ARG2: variants seen among roughly 807,000 people sequenced by gnomAD.
ARG2 encodes the protein arginase-2, mitochondrial.
A neutral mutation model predicts 39.4 loss-of-function variants in ARG2; 21 were observed. The observed-to-expected ratio is 0.53, with a 90% CI of 0.38 to 0.77. The LOEUF (loss-of-function observed/expected upper bound fraction) is 0.77, where lower values mean the gene tolerates loss of function less well. ARG2 is among the 30% of genes least tolerant of loss of function. The pLI is 0.00. For synonymous variants in ARG2, 150 were observed against 156.7 expected (o/e 0.96, Z 0.32); for missense variants, 378 against 426.2 (o/e 0.89, Z 1.00).
rs199828283 is a variant in ARG2 at position 67,646,692 on chromosome 14, G to T, written c.571G>T (p.Ala191Ser). ...FSWIKPCISS[A>S]SIVYIGLRDV... ...CTGGATCAAACCTTGTATCTCTTCT[G>T]CAAGTATTGTGTATATTGGTCTGAG... Residue 191 changes from alanine to serine, a missense_variant, in exon 5 of 8, where the codon GCA (alanine) becomes TCA (serine). Ala to Ser is a moderately conservative substitution (Grantham distance 99, BLOSUM62 1). Coordinates refer to ENST00000261783, the MANE Select transcript of ARG2 (RefSeq NM_001172.4). 7.2e-5 allele frequency: 116 copies of T among 1,613,716 alleles called. No homozygotes were observed. Among genetic ancestry groups the T allele is most frequent in the Non-Finnish European group, 5.9e-6 (7 of 1,179,802 alleles).
intron 4 of ARG2, 26 bp from the exon 5 acceptor site, chr14:67,646,618 A>ATCCTG (rs759463851): frequency 5.2e-6 from 8 of 1,538,620 alleles, no homozygotes; most frequent in Non-Finnish European, 7.2e-6. Context: ...TTCTTGATTA[A>ATCCTG]TCCTGTCCAT....
chr14:67,643,838 TTCC>T (rs1174880899), intron 3 of ARG2, among the ~76,000 whole-genome samples: 1 of 125,132 alleles, frequency 8.0e-6, no homozygotes, highest in Non-Finnish European at 1.6e-5. Context: ...AGCAGGTAGA[TTCC>T]TCCTTGGGAG....
chr14:67,641,861 T>C (rs2037035043), intron 2 of ARG2, among the ~76,000 whole-genome samples: 1 of 152,228 alleles, frequency 6.6e-6, no homozygotes, highest in Non-Finnish European at 1.5e-5. Context: ...AAATTGTTGG[T>C]TCTTAATTTT....
At chr14:67,627,296 A>G (rs2036877163) in intron 2 of ARG2, among the ~76,000 whole-genome samples, 1 of 135,572 alleles carries the variant, frequency 7.4e-6, no homozygotes, top group African/African-American at 3.1e-5. Flanking sequence ...AAACTTCTGA[A>G]TTGCTAATAT....
chr14:67,648,367 G>A lies in ARG2; in HGVS notation c.859+184G>A. On this transcript the variant is annotated intron_variant, in intron 7 of 7. Coordinates refer to ENST00000261783, the MANE Select transcript of ARG2 (RefSeq NM_001172.4). ...GATATAGTCCTTTAGAGTCATGCTT[G>A]GACATGGCTCTTACCAAATTACACT... The A allele has an allele frequency of 5.6e-6, 3 of 538,178 alleles. No individual in the cohort carries two copies. In the South Asian group the frequency reaches 1.4e-4, roughly 24 times the overall value. The allele number at this position is 538,178 out of a possible 1,614,324, so 33.3% of individuals were successfully genotyped here. A position where few individuals can be genotyped will look rare whatever the true frequency, so the allele number is the denominator to read the frequency against.
intron 2 of ARG2, among the ~76,000 whole-genome samples, chr14:67,625,729 GA>G (rs1237747306): frequency 4.6e-5 from 5 of 109,196 alleles, no homozygotes; most frequent in African/African-American, 2.0e-4. Context: ...TCAATGTAAT[GA>G]AAAACCAAAA....
intron 3 of ARG2, among the ~76,000 whole-genome samples, chr14:67,644,997 TA>T (rs558540535): frequency 0.035 from 4,633 of 132,368 alleles, 211 homozygotes; most frequent in African/African-American, 0.11. Flanking sequence ...GACTCCGTCT[TA>T]AAAAAAAAAA....
At chr14:67,620,668 A>G (rs567894204) in intron 1 of ARG2, among the ~76,000 whole-genome samples, 1 of 152,088 alleles carries the variant, frequency 6.6e-6, no homozygotes, top group African/African-American at 2.4e-5. Flanking sequence ...GGCCCGAGCC[A>G]GCCCCACACA....
chr14:67,648,293 T>C (rs1057471699), intron 7 of ARG2, 110 bp downstream of exon 7: 1 of 1,283,386 alleles, frequency 7.8e-7, no homozygotes. Flanking sequence ...GAGTTTGTTT[T>C]TGCTTAAACT....
intron 2 of ARG2, among the ~76,000 whole-genome samples, chr14:67,626,907 A>C (rs1397202989): frequency 6.6e-6 from 1 of 152,228 alleles, no homozygotes; most frequent in Non-Finnish European, 1.5e-5. Context: ...ATGAAGTACT[A>C]ATTTATGCTA....
chr14:67,639,817 T>C (rs2037010919), intron 2 of ARG2, among the ~76,000 whole-genome samples: 1 of 149,926 alleles, frequency 6.7e-6, no homozygotes, highest in African/African-American at 2.5e-5. Context: ...CCCAGCTACT[T>C]GGGAGGCTGA....
chr14:67,627,432 TGATA>T (rs540762938), intron 2 of ARG2, among the ~76,000 whole-genome samples: 3 of 152,164 alleles, frequency 2.0e-5, no homozygotes, highest in Non-Finnish European at 2.9e-5. Flanking sequence ...TCATGTCTGT[TGATA>T]GATATCCATC....
intron 4 of ARG2, 137 bp downstream of exon 4, chr14:67,645,939 AC>A: frequency 2.0e-6 from 2 of 1,011,736 alleles, no homozygotes; most frequent in Non-Finnish European, 2.9e-6. Flanking sequence ...ACTATTATGG[AC>A]CAGGCAGTCT....
chr14:67,628,557 TA>T (rs1421681238), intron 2 of ARG2, among the ~76,000 whole-genome samples: 1 of 152,220 alleles, frequency 6.6e-6, no homozygotes, highest in African/African-American at 2.4e-5. Flanking sequence ...GATTTTAACT[TA>T]ATACCTCTTA....
chr14:67,648,488 TTAAGA>T (rs1594831057), intron 7 of ARG2: 1 of 210,802 alleles, frequency 4.7e-6, no homozygotes, highest in Non-Finnish European at 9.4e-6. Context: ...TAAAGGCAGA[TTAAGA>T]TAAGAAGGCA....
At chr14:67,648,310 G>C (rs1275216204) in intron 7 of ARG2, 127 bp downstream of exon 7, 1 of 1,100,714 alleles carries the variant, frequency 9.1e-7, no homozygotes, top group Non-Finnish European at 1.3e-6. Context: ...AACTTTTGTA[G>C]CTAAAAATTA....
At chr14:67,629,351 A>C (rs1026818689) in intron 2 of ARG2, among the ~76,000 whole-genome samples, 3 of 152,168 alleles carry the variant, frequency 2.0e-5, no homozygotes, top group African/African-American at 7.2e-5. Flanking sequence ...CTGTTTAAGA[A>C]ACAAAACAAA....
At position 67,651,499 on chromosome 14, in the gene ARG2, G is replaced by A. The variant is rs758940946; in HGVS notation, c.*579G>A. Reference sequence around the variant, plus strand: ...TTGTCACTCTACAAAGAGAAGCAAAGTGGGGAGTAGTCAGAAGTTTGGATA... The same window carrying A: ...TTGTCACTCTACAAAGAGAAGCAAAATGGGGAGTAGTCAGAAGTTTGGATA... On this transcript the variant is annotated 3_prime_UTR_variant, in exon 8 of 8. Coordinates refer to ENST00000261783, the MANE Select transcript of ARG2 (RefSeq NM_001172.4). 3.7e-6 allele frequency: 6 copies of A among 1,612,644 alleles called. No individual in the cohort carries two copies. Among genetic ancestry groups the A allele is most frequent in the Non-Finnish European group, 5.1e-6 (6 of 1,179,010 alleles).
Position 67,648,035 on chromosome 14 carries a change from C to T in ARG2, c.723-12C>T. On this transcript the variant is annotated splice_polypyrimidine_tract_variant and intron_variant, in intron 6 of 7. Coordinates refer to ENST00000261783, the MANE Select transcript of ARG2 (RefSeq NM_001172.4). ...ATTATTTTAAGTATTATTTTATCCT[C>T]TTCCTTTTTAGGAGACAAAGACCAA... 1 of 1,597,860 alleles carries T rather than the reference C, an allele frequency of 6.3e-7. No homozygotes were observed. The highest frequency in any genetic ancestry group is 1.1e-5 in the South Asian group (1 of 89,230).
Sources: gnomAD v4.1 joint callset for allele counts (sites outside exome capture counted in the v4.1 genomes callset) on GRCh38, gnomAD v4.1.1 for gene constraint, MANE v1.5 for transcripts, NCBI Gene and HGNC (gene_info 2026-07-23, HGNC 2026-07-21) for gene names.